Variants in FLNA observed in about 807,000 individuals in gnomAD.
FLNA encodes the protein filamin A.
A neutral mutation model predicts 157.6 loss-of-function variants in FLNA; 7 were observed. The observed-to-expected ratio is 0.04, with a 90% CI of 0.03 to 0.08. FLNA has a LOEUF of 0.08. Ranked by LOEUF, FLNA falls within the 10% of genes least tolerant of loss-of-function variation. The pLI is 1.00. For missense variants in FLNA, 1,750 were observed against 2,398.4 expected, an observed-to-expected ratio of 0.73 and a Z score of 5.65; for synonymous variants, 1,103 against 1,060.8, an observed-to-expected ratio of 1.04 and a Z score of -0.77.
In FLNA at chrX:154,367,424, G is replaced by C. The variant is rs2067770833; in HGVS notation, c.841C>G (p.Pro281Ala). ...PGAPLRPKLNPKKARAYGPGI... is the reference protein window; with the variant it reads ...PGAPLRPKLNAKKARAYGPGI... ...GGCCCGTAGGCACGGGCTTTCTTCG[G>C]GTTCAGTTTGGGCCGCAAGGGAGCC... is the stretch of plus-strand genomic sequence containing the variant. The change falls in exon 5 of 48, where the codon CCG becomes GCG. Residue 281 changes from proline (P) to alanine (A), a missense_variant. Physicochemically the swap from Pro to Ala is conservative, Grantham distance 27 (BLOSUM62 -1). Around this residue, in one of 5 missense-constraint regions of FLNA, gnomAD observed 71 missense variants for 239.5 expected, o/e 0.30. Coordinates refer to ENST00000369850, the MANE Select transcript of FLNA (RefSeq NM_001110556.2). 2 of 1,210,169 alleles carry C rather than the reference G, an allele frequency of 1.7e-6. No individual in the cohort carries two copies. The highest frequency in any genetic ancestry group is 2.2e-5 in the Admixed American group (1 of 45,962).
intron 21 of FLNA, among the ~76,000 whole-genome samples, chrX:154,361,065 A>G (rs57133748): frequency 4.5e-5 from 4 of 89,163 alleles, no homozygotes; most frequent in African/African-American, 1.4e-4. Flanking sequence ...AAAAAAAAAA[A>G]AAAAAAAAAA....
Position 154,357,309 on chromosome X carries a change from C to T in FLNA, c.4946-35G>A, listed in dbSNP as rs375704690. 10 of 1,205,689 alleles carry T rather than the reference C, an allele frequency of 8.3e-6. No homozygotes were observed. In the African/African-American group the frequency reaches 1.7e-4, roughly 21 times the overall value. The stretch of plus-strand genomic sequence containing the variant: ...GAGGGCAGAGAGCAAGGAGAAAGGT[C>T]AGGTGAGTCACTCAAGGGGGCGGCC... On this transcript the variant is annotated intron_variant, in intron 29 of 47. Coordinates refer to ENST00000369850, the MANE Select transcript of FLNA (RefSeq NM_001110556.2).
rs781981841 is a variant in FLNA, at chrX:154,357,233, C to A, written c.4969+18G>T. On this transcript the variant is annotated intron_variant, in intron 30 of 47. Coordinates refer to ENST00000369850, the MANE Select transcript of FLNA (RefSeq NM_001110556.2). ...TGGGCAGGAGGGGCATTGGGAGTGG[C>A]CCCAGCAAGCAGCTTACCTAGCCCG... 1 of 1,207,385 alleles carries A rather than the reference C, an allele frequency of 8.3e-7. No homozygotes were observed. The highest frequency in any genetic ancestry group is 1.8e-5 in the South Asian group (1 of 56,892).
chrX:154,361,056 AAAAAAAAAAAAAAAAAAAAAAAAG>A (rs2067703772), intron 21 of FLNA, among the ~76,000 whole-genome samples: 1 of 84,207 alleles, frequency 1.2e-5, no homozygotes, highest in Non-Finnish European at 2.1e-5. Flanking sequence ...CAAAAAAAAA[AAAAAAAAAAAAAAAAAAAAAAAAG>A]AAAGAAAAAA....
chrX:154,353,600 G>A lies in FLNA; in HGVS notation c.5814C>T (p.Tyr1938=), dbSNP rs140084263. Residue 1938 remains tyrosine, a synonymous_variant, in exon 36 of 48, where the codon TAC becomes TAT. Coordinates refer to ENST00000369850, the MANE Select transcript of FLNA (RefSeq NM_001110556.2). ...GGCTGCCTGGGACGTGCTGTTCATTGTACTTGACTAGAATGCTGTAGTCCC... is the reference window on the plus strand; with the variant it reads ...GGCTGCCTGGGACGTGCTGTTCATTATACTTGACTAGAATGCTGTAGTCCC... ...LPGDYSILVK[Y]NEQHVPGSPF... 1,365 of 1,210,772 alleles carry A rather than the reference G, an allele frequency of 1.1e-3. 20 individuals carry two copies. The African/African-American group carries it at 0.021, about 18-fold the overall frequency.
rs782736330 is a variant in FLNA, at chrX:154,357,412, G to A, written c.4945+22C>T. ...CAAGCCCCGTGCCGAGCGCCGCAGC[G>A]GCCAACAGCGGGCGGGCTCACCTGT... is the stretch of plus-strand genomic sequence containing the variant. On this transcript the variant is annotated intron_variant, in intron 29 of 47. Transcript: ENST00000369850. The A allele has an allele frequency of 6.8e-5, 82 of 1,202,494 alleles. No homozygotes were observed. The Middle Eastern group carries it at 1.6e-3, about 24-fold the overall frequency.
chrX:154,363,935 G>T, intron 15 of FLNA, 87 bp downstream of exon 15: 1 of 1,011,963 alleles, frequency 9.9e-7, no homozygotes, highest in Non-Finnish European at 1.4e-6. Flanking sequence ...GAGTCAGGAT[G>T]GTGTGCCACA....
intron 26 of FLNA, 101 bp from the exon 27 acceptor site, chrX:154,358,669 C>T: frequency 9.8e-7 from 1 of 1,017,409 alleles, no homozygotes; most frequent in Non-Finnish European, 1.4e-6. Context: ...GCCTAGACCT[C>T]GCTTTATCCT....
At chrX:154,365,843 G>T (rs1276324724) in intron 9 of FLNA, among the ~76,000 whole-genome samples, 181 bp downstream of exon 9, 1 of 112,488 alleles carries the variant, frequency 8.9e-6, no homozygotes, top group African/African-American at 3.2e-5. Flanking sequence ...GGAGAGGGGC[G>T]AGGAGAGGAG....
In FLNA at chrX:154,352,454, G is replaced by C; in HGVS notation, c.6503-7C>G. ...ATATCCTGGATGCTAATTTCTGCAG[G>C]GTGGGGATGGGCTAGTGAGCAGCAG... On this transcript the variant is annotated splice_polypyrimidine_tract_variant and splice_region_variant and intron_variant, in intron 40 of 47. Transcript: ENST00000369850. 1 of 1,211,457 alleles carries C rather than the reference G, an allele frequency of 8.3e-7. No individual in the cohort carries two copies. Among genetic ancestry groups the C allele is most frequent in the Non-Finnish European group, 1.1e-6 (1 of 895,331 alleles).
chrX:154,352,380 G>A lies in FLNA; in HGVS notation c.6570C>T (p.Ile2190=), dbSNP rs782314560. The A allele has an allele frequency of 3.3e-6, 4 of 1,210,911 alleles. No homozygotes were observed. Among genetic ancestry groups the A allele is most frequent in the East Asian group, 3.0e-5 (1 of 33,786 alleles). Residue 2190 remains isoleucine, a synonymous_variant, in exon 41 of 48, where the codon ATC becomes ATT. Coordinates refer to ENST00000369850, the MANE Select transcript of FLNA (RefSeq NM_001110556.2). ...AGTAGGTGTGGTTCTCCCCTTCCAC[G>A]ATCTCGGCCTCATGGGTCTTGCCCG... ...SPSGKTHEAE[I]VEGENHTYCI...
At position 154,361,799 on chromosome X, in the gene FLNA, G is replaced by A. The variant is rs1422530377; in HGVS notation, c.2827-12C>T. 2.0e-5 allele frequency: 23 copies of A among 1,162,306 alleles called. No homozygotes were observed. Among genetic ancestry groups the A allele is most frequent in the Non-Finnish European group, 7.0e-6 (6 of 852,818 alleles). On this transcript the variant is annotated splice_polypyrimidine_tract_variant and intron_variant, in intron 19 of 47. Transcript: ENST00000369850. ...ACGCCTACTGGACCCTGGGAAGGGT[G>A]CAGAAGGGAAGGGGGTATTTAGAGA...
rs782219509 is a variant in FLNA at position 154,371,780 on chromosome X, C to T, written c.-116-419G>A. On this transcript the variant is annotated intron_variant, in intron 1 of 47. Coordinates refer to ENST00000369850, the MANE Select transcript of FLNA (RefSeq NM_001110556.2). ...TCTGCCCCGTCCCTGCACATCCCTA[C>T]CCCCCGCCGTCATCCCCCTTCCCCG... 1.6e-4 allele frequency among the ~76,000 whole-genome samples: 18 copies of T among 113,214 alleles called. No homozygotes were observed. In the Middle Eastern group the frequency reaches 0.018, roughly 116 times the overall value.
chrX:154,369,020 CA>C (rs1557179836), intron 2 of FLNA, among the ~76,000 whole-genome samples: 2 of 112,928 alleles, frequency 1.8e-5, no homozygotes, highest in Non-Finnish European at 3.8e-5. Context: ...GTCTCAGGCT[CA>C]AGGCAGGATG....
chrX:154,358,208 G>A lies in FLNA; in HGVS notation c.4746C>T (p.Val1582=), dbSNP rs782454729. 1.7e-5 allele frequency: 20 copies of A among 1,210,680 alleles called. No homozygotes were observed. In the East Asian group the frequency reaches 5.6e-4, roughly 34 times the overall value. Residue 1582 remains valine, a synonymous_variant, in exon 28 of 48, where the codon GTC becomes GTT. Coordinates refer to ENST00000369850, the MANE Select transcript of FLNA (RefSeq NM_001110556.2). ...TGTGCCCGGAGCTCACCGTGATCTG[G>A]ACAGCCAGCAGGCCCTCCCCGGCGT... The part of the protein sequence containing the change: ...AKDAGEGLLA[V]QITDPEGKPK...
chrX:154,355,336 G>C (rs1177656842), intron 30 of FLNA, among the ~76,000 whole-genome samples: 1 of 113,707 alleles, frequency 8.8e-6, no homozygotes, highest in African/African-American at 3.2e-5. Flanking sequence ...GGAAAAGGAA[G>C]GGCCCACTCC....
intron 36 of FLNA, 24 bp downstream of exon 36, chrX:154,353,530 G>A: frequency 8.3e-7 from 1 of 1,211,237 alleles, no homozygotes; most frequent in Non-Finnish European, 1.1e-6. Flanking sequence ...ACCCGTTTCT[G>A]TCACTGCTCC....
rs782758177 is a variant in FLNA, at chrX:154,361,408, C to T, written c.3107G>A (p.Arg1036His). 1.2e-5 allele frequency: 14 copies of T among 1,208,650 alleles called. No individual in the cohort carries two copies. The highest frequency in any genetic ancestry group is 1.1e-4 in the African/African-American group (6 of 56,834). ...ADNSVVRFLP[R>H]EEGPYEVEVT... ...CTCCACCTCATAGGGCCCTTCCTCA[C>T]GGGGCAGGAAGCGCACCACACTGTT... The change falls in exon 21 of 48, where the codon CGT becomes CAT. Residue 1036 changes from arginine (R) to histidine (H), a missense_variant. Transcript: ENST00000369850.
chrX:154,359,232 C>T lies in FLNA; in HGVS notation c.4303+14G>A, dbSNP rs782684701. On this transcript the variant is annotated intron_variant, in intron 25 of 47. Coordinates refer to ENST00000369850, the MANE Select transcript of FLNA (RefSeq NM_001110556.2). ...CAGACAGTCCCAGCCCTGCCCTGGCCGCCACCTCCTCACCTGGCACTTGAT... is the reference window on the plus strand; with the variant it reads ...CAGACAGTCCCAGCCCTGCCCTGGCTGCCACCTCCTCACCTGGCACTTGAT... The T allele has an allele frequency of 2.6e-5, 32 of 1,209,952 alleles. No homozygotes were observed. Among genetic ancestry groups the T allele is most frequent in the Admixed American group, 1.1e-4 (5 of 45,974 alleles).
Sources: allele counts gnomAD v4.1 joint callset (sites outside exome capture counted in the v4.1 genomes callset), GRCh38; gene constraint gnomAD v4.1.1; regional missense constraint gnomAD v4.1.1; transcripts MANE v1.5; gene names NCBI Gene and HGNC (gene_info 2026-07-23, HGNC 2026-07-21).